The following KAT7 variants were observed in gnomAD, a reference collection of about 807,000 sequenced individuals.
KAT7 encodes the protein histone acetyltransferase KAT7.
KAT7 carries 10 observed loss-of-function variants against 82.1 expected under a neutral mutation model. That is an observed-to-expected ratio of 0.12 (90% CI 0.08 to 0.21). KAT7 has a LOEUF of 0.21. Ranked by LOEUF, KAT7 falls within the 10% of genes least tolerant of loss-of-function variation. The pLI is 1.00. For synonymous variants in KAT7, 250 were observed against 262.5 expected, an observed-to-expected ratio of 0.95 and a Z score of 0.46; for missense variants, 378 against 760.9, an observed-to-expected ratio of 0.50 and a Z score of 5.92.
chr17:49,789,446 C>CCAGTTGCCTGCAAG (rs1555600684), intron 1 of KAT7: 2 of 152,154 alleles, frequency 1.3e-5, no homozygotes, highest in African/African-American at 2.4e-5. Context: ...CCCTCTCAGG[C>CCAGTTGCCTGCAAG]CAGTTGCCTC....
intron 4 of KAT7, among the ~76,000 whole-genome samples, chr17:49,798,819 T>C (rs1350351123): frequency 6.6e-6 from 1 of 152,194 alleles, no homozygotes; most frequent in Non-Finnish European, 1.5e-5. Flanking sequence ...AAAAATTCCC[T>C]CATTTTCCTA....
chr17:49,806,147 G>T (rs2074089213), intron 5 of KAT7, among the ~76,000 whole-genome samples: 1 of 152,182 alleles, frequency 6.6e-6, no homozygotes, highest in African/African-American at 2.4e-5. Context: ...TATCTAAGCT[G>T]GTTAGACCAA....
At chr17:49,809,361 AT>A (rs534963981) in intron 6 of KAT7, among the ~76,000 whole-genome samples, 153 bp downstream of exon 6, 28 of 152,278 alleles carry the variant, frequency 1.8e-4, no homozygotes, top group African/African-American at 6.7e-4. Flanking sequence ...CAAACAGTAA[AT>A]TTTCATAAAA....
chr17:49,826,364 A>G, intron 13 of KAT7: 1 of 519,608 alleles, frequency 1.9e-6, no homozygotes, highest in Non-Finnish European at 3.4e-6. Context: ...TAATTCTTAT[A>G]AAAGTCAAGA....
At chr17:49,815,543 C>T (rs780209747) in intron 7 of KAT7, 3 of 331,348 alleles carry the variant, frequency 9.1e-6, no homozygotes, top group African/African-American at 2.1e-5. Flanking sequence ...CAAAGTGTAT[C>T]TTTTCAGAGA....
At position 49,825,991 on chromosome 17, in the gene KAT7, C is replaced by T. The variant is rs1286851385; in HGVS notation, c.1481-9C>T. The T allele has an allele frequency of 6.2e-7, 1 of 1,605,586 alleles. No homozygotes were observed. The highest frequency in any genetic ancestry group is 8.5e-7 in the Non-Finnish European group (1 of 1,174,622). On this transcript the variant is annotated splice_polypyrimidine_tract_variant and intron_variant, in intron 12 of 14. Coordinates refer to ENST00000259021, the MANE Select transcript of KAT7 (RefSeq NM_007067.5). ...TTGCTAGAAAAAGTCTGTATTTGTT[C>T]CCTGGCAGGTTATTTGCTTTCCAAA... is the stretch of plus-strand genomic sequence containing the variant.
chr17:49,793,267 A>G (rs1484375647), intron 2 of KAT7, among the ~76,000 whole-genome samples: 1 of 152,266 alleles, frequency 6.6e-6, no homozygotes, highest in Non-Finnish European at 1.5e-5. Flanking sequence ...ATGTAATCCA[A>G]TAAACACTTG....
intron 7 of KAT7, among the ~76,000 whole-genome samples, chr17:49,811,906 G>A (rs2143929490): frequency 6.6e-6 from 1 of 152,152 alleles, no homozygotes; most frequent in East Asian, 1.9e-4. Flanking sequence ...TCTGTATGAA[G>A]AAAAATATTC....
In KAT7 at chr17:49,821,417, G is replaced by A. The variant is rs1268142101; in HGVS notation, c.1236G>A (p.Lys412=). ...GSISVFEVDG[K]KNKIYCQNLC... ...TCTCTGTGTTTGAAGTGGATGGCAA[G>A]AAAAACAAGGTAAAAAGTGGTGACT... Residue 412 remains lysine, a synonymous_variant, in exon 10 of 15, where the codon AAG becomes AAA. Coordinates refer to ENST00000259021, the MANE Select transcript of KAT7 (RefSeq NM_007067.5). 1.2e-6 allele frequency: 2 copies of A among 1,612,772 alleles called. No homozygotes were observed. Among genetic ancestry groups the A allele is most frequent in the African/African-American group, 2.7e-5 (2 of 74,872 alleles).
chr17:49,831,968 T>G lies in KAT7; in HGVS notation c.*4466T>G, dbSNP rs2074428532. ...GCCATTGCACCCAGCCATTTTTTTT[T>G]TTTTTAAGACGACGTCTCACTCTGT... On this transcript the variant is annotated 3_prime_UTR_variant, in exon 15 of 15. Coordinates refer to ENST00000259021, the MANE Select transcript of KAT7 (RefSeq NM_007067.5). 1.3e-5 allele frequency: 2 copies of G among 151,360 alleles called. No homozygotes were observed. The highest frequency in any genetic ancestry group is 1.3e-4 in the Admixed American group (2 of 15,172). 9.4% of individuals were successfully genotyped at this position (151,360 alleles called of 1,614,324 possible). A position where few individuals can be genotyped will look rare whatever the true frequency, so the allele number is the denominator to read the frequency against.
Position 49,792,048 on chromosome 17 carries a change from A to G in KAT7, c.163+15A>G, listed in dbSNP as rs540131468. 2 of 1,611,046 alleles carry G rather than the reference A, an allele frequency of 1.2e-6. No homozygotes were observed. Among genetic ancestry groups the G allele is most frequent in the African/African-American group, 1.3e-5 (1 of 74,946 alleles). On this transcript the variant is annotated intron_variant, in intron 2 of 14. Coordinates refer to ENST00000259021, the MANE Select transcript of KAT7 (RefSeq NM_007067.5). The stretch of plus-strand genomic sequence containing the variant: ...GAGTTCTCAAGGTAAAAAAACCTTC[A>G]TTTTTCCTTACCACTCCTCACATCT...
At chr17:49,806,382 A>G (rs2074092135) in intron 5 of KAT7, among the ~76,000 whole-genome samples, 1 of 152,162 alleles carries the variant, frequency 6.6e-6, no homozygotes, top group Non-Finnish European at 1.5e-5. Context: ...GCTTATATGG[A>G]TTTTAAGGTC....
chr17:49,815,700 A>C (rs1048032386), intron 7 of KAT7, 103 bp from the exon 8 acceptor site: 1 of 737,822 alleles, frequency 1.4e-6, no homozygotes, highest in East Asian at 2.5e-5. Context: ...GCACTAAATA[A>C]ATAGCTTATG....
intron 9 of KAT7, among the ~76,000 whole-genome samples, chr17:49,820,157 G>A (rs1212458348): frequency 6.6e-6 from 1 of 152,138 alleles, no homozygotes; most frequent in Non-Finnish European, 1.5e-5. Context: ...AGCTACATGG[G>A]AGGATCTTTT....
intron 2 of KAT7, chr17:49,795,258 T>C (rs1384662214): frequency 6.4e-6 from 1 of 156,870 alleles, no homozygotes; most frequent in Non-Finnish European, 1.4e-5. Flanking sequence ...GTATACTCTA[T>C]AAATATGTAC....
At chr17:49,813,453 C>A (rs570716801) in intron 7 of KAT7, among the ~76,000 whole-genome samples, 16 of 152,124 alleles carry the variant, frequency 1.1e-4, no homozygotes, top group Non-Finnish European at 1.9e-4. Flanking sequence ...GGGATAGATT[C>A]TTAAACATAG....
At chr17:49,814,427 A>G (rs566897860) in intron 7 of KAT7, among the ~76,000 whole-genome samples, 5 of 152,308 alleles carry the variant, frequency 3.3e-5, no homozygotes, top group Admixed American at 1.3e-4. Flanking sequence ...TAATAAGACA[A>G]TGATACCGTA....
Position 49,821,790 on chromosome 17 carries a change from G to A in KAT7, c.1386G>A (p.Lys462=). The change falls in exon 11 of 15, where the codon AAG becomes AAA. Residue 462 remains lysine (K), a splice_region_variant and synonymous_variant. Transcript: ENST00000259021. ...TGCHLIGYFS[K]EKNSFLNYNV... ...GTCACCTGATTGGATATTTTTCTAA[G>A]GTAAGCAGGATCTGGAGATTAAGAA... is the stretch of plus-strand genomic sequence containing the variant. 12 of 1,613,876 alleles carry A rather than the reference G, an allele frequency of 7.4e-6. No homozygotes were observed. Among genetic ancestry groups the A allele is most frequent in the Non-Finnish European group, 9.3e-6 (11 of 1,179,892 alleles).
intron 4 of KAT7, among the ~76,000 whole-genome samples, chr17:49,800,020 T>C (rs945630909): frequency 6.9e-6 from 1 of 145,626 alleles, no homozygotes; most frequent in African/African-American, 2.5e-5. Context: ...CTTTTTTTTT[T>C]TTTTTTTTTG....
Sources: gnomAD v4.1 joint callset for allele counts (sites outside exome capture counted in the v4.1 genomes callset) on GRCh38, gnomAD v4.1.1 for gene constraint, MANE v1.5 for transcripts, NCBI Gene and HGNC (gene_info 2026-07-23, HGNC 2026-07-21) for gene names.